The following RIC3 variants were observed in gnomAD, a reference collection of about 807,000 sequenced individuals.
RIC3 encodes RIC3 acetylcholine receptor chaperone.
Under a neutral mutation model 27.3 loss-of-function variants are expected in RIC3, and 28 were observed. That is an observed-to-expected ratio of 1.02 (90% CI 0.76 to 1.41). The LOEUF (loss-of-function observed/expected upper bound fraction) is 1.41. RIC3 is among the 40% of genes most tolerant of loss of function. The pLI is 0.00. For synonymous variants in RIC3, 184 were observed against 160.4 expected, an observed-to-expected ratio of 1.15 and a Z score of -1.11; for missense variants, 501 against 444.7, an observed-to-expected ratio of 1.13 and a Z score of -1.14.
intron 4 of RIC3, among the ~76,000 whole-genome samples, chr11:8,131,107 TTCACTCAC>T (rs3060959): frequency 0.15 from 22,831 of 149,434 alleles, 2,110 homozygotes; most frequent in African/African-American, 0.27. Flanking sequence ...CATTCATTCA[TTCACTCAC>T]TCACTCACTC....
At chr11:8,118,713 C>T (rs1187032981) in intron 5 of RIC3, among the ~76,000 whole-genome samples, 1 of 150,406 alleles carries the variant, frequency 6.6e-6, no homozygotes, top group African/African-American at 2.4e-5. Context: ...ACTAAAAATA[C>T]AAAAAAAATT....
chr11:8,102,601 C>CT (rs1944354236), downstream of RIC3: 1 of 151,066 alleles, frequency 6.6e-6, no homozygotes. Flanking sequence ...AAGAATCTCT[C>CT]CTCTCTCTCT....
intron 1 of RIC3, among the ~76,000 whole-genome samples, chr11:8,151,563 G>A (rs1169965719): frequency 2.5e-4 from 28 of 110,248 alleles, no homozygotes; most frequent in Admixed American, 6.0e-4. Context: ...TCCAGCCTGG[G>A]CGACAGAGTG....
chr11:8,148,613 AT>A (rs1446344538), intron 1 of RIC3, among the ~76,000 whole-genome samples: 1 of 152,196 alleles, frequency 6.6e-6, no homozygotes, highest in Non-Finnish European at 1.5e-5. Context: ...TAAGAATGAC[AT>A]TACACATCTC....
intron 1 of RIC3, among the ~76,000 whole-genome samples, chr11:8,141,385 T>G (rs1176488738): frequency 6.6e-6 from 1 of 152,116 alleles, no homozygotes; most frequent in South Asian, 2.1e-4. Context: ...CAGTCCTAGT[T>G]TCTGATAAAA....
intron 1 of RIC3, among the ~76,000 whole-genome samples, chr11:8,160,288 T>C (rs1951055506): frequency 6.6e-6 from 1 of 152,192 alleles, no homozygotes; most frequent in Non-Finnish European, 1.5e-5. Context: ...AGACTGACCA[T>C]GTATTGATGG....
At chr11:8,137,818 CT>C (rs757605744) in intron 3 of RIC3, among the ~76,000 whole-genome samples, 3 of 152,098 alleles carry the variant, frequency 2.0e-5, no homozygotes, top group African/African-American at 4.8e-5. Context: ...TCTATAAATT[CT>C]TGAGGAAAGA....
chr11:8,141,871 C>T (rs1304631576), intron 1 of RIC3, among the ~76,000 whole-genome samples: 2 of 151,954 alleles, frequency 1.3e-5, no homozygotes, highest in Non-Finnish European at 2.9e-5. Flanking sequence ...GATTAAGAAT[C>T]TCACTCAAAA....
intron 1 of RIC3, among the ~76,000 whole-genome samples, chr11:8,163,561 T>G (rs1951394096): frequency 6.6e-6 from 1 of 152,002 alleles, no homozygotes. Context: ...ATACAAAAAC[T>G]AATTGTCTAT....
At chr11:8,128,462 G>A (rs1301738255) in intron 4 of RIC3, 1 of 350,504 alleles carries the variant, frequency 2.9e-6, no homozygotes, top group Non-Finnish European at 5.6e-6. Flanking sequence ...TACTTTTATT[G>A]TCCATATCAT....
the RIC3 span, among the ~76,000 whole-genome samples, chr11:8,096,009 C>T: frequency 2.6e-5 from 4 of 152,224 alleles, no homozygotes; most frequent in Non-Finnish European, 5.9e-5. Flanking sequence ...AGTTTTCCCA[C>T]CACAAGCCCT....
chr11:8,128,353 T>A (rs1947239555), intron 4 of RIC3: 1 of 443,014 alleles, frequency 2.3e-6, no homozygotes, highest in South Asian at 1.6e-5. Flanking sequence ...GAAGCCCTTA[T>A]CCTAAAAGAG....
chr11:8,101,596 GA>G, downstream of RIC3: 1 of 1,614,190 alleles, frequency 6.2e-7, no homozygotes, highest in East Asian at 2.2e-5. Flanking sequence ...GTCCAGCTTC[GA>G]CAGCAAGCTG....
chr11:8,127,531 T>A (rs932735163), intron 4 of RIC3, among the ~76,000 whole-genome samples: 24 of 152,224 alleles, frequency 1.6e-4, no homozygotes, highest in African/African-American at 5.1e-4. Context: ...AATCCCAACT[T>A]ACTTGTGTGG....
At chr11:8,116,113 T>A (rs1391255588) in intron 5 of RIC3, among the ~76,000 whole-genome samples, 1 of 151,976 alleles carries the variant, frequency 6.6e-6, no homozygotes, top group Non-Finnish European at 1.5e-5. Flanking sequence ...TCAATTTTTT[T>A]AAACAAAGAT....
At chr11:8,124,212 G>GA (rs1339344609) in intron 5 of RIC3, among the ~76,000 whole-genome samples, 1 of 152,034 alleles carries the variant, frequency 6.6e-6, no homozygotes, top group Non-Finnish European at 1.5e-5. Flanking sequence ...GTAACTCTAT[G>GA]AAACTTTTCC....
intron 1 of RIC3, among the ~76,000 whole-genome samples, chr11:8,151,022 C>T (rs1950174918): frequency 6.6e-6 from 1 of 152,174 alleles, no homozygotes; most frequent in African/African-American, 2.4e-5. Flanking sequence ...ATTATAAGAG[C>T]TGAAACTTTA....
At chr11:8,163,539 T>C (rs773775299) in intron 1 of RIC3, among the ~76,000 whole-genome samples, 5 of 151,820 alleles carry the variant, frequency 3.3e-5, no homozygotes, top group Non-Finnish European at 7.4e-5. Context: ...GGTGACAAGA[T>C]ACAGTATCAA....
At chr11:8,160,539 C>T (rs1001473398) in intron 1 of RIC3, among the ~76,000 whole-genome samples, 2 of 151,942 alleles carry the variant, frequency 1.3e-5, no homozygotes, top group African/African-American at 2.4e-5. Flanking sequence ...CATTTCATTC[C>T]GAAACATCAA....
Sources: allele counts gnomAD v4.1 joint callset (sites outside exome capture counted in the v4.1 genomes callset), GRCh38; gene constraint gnomAD v4.1.1; transcripts MANE v1.5; gene names NCBI Gene and HGNC (gene_info 2026-07-23, HGNC 2026-07-21).